DDX3X: variants seen among roughly 807,000 people sequenced by gnomAD.
DDX3X encodes the protein ATP-dependent RNA helicase DDX3X.
Under a neutral mutation model 52.7 loss-of-function variants are expected in DDX3X, and 4 were observed. That is an observed-to-expected ratio of 0.08 (90% CI 0.04 to 0.17). The LOEUF (loss-of-function observed/expected upper bound fraction) is 0.17. DDX3X is among the 10% of genes least tolerant of loss of function. The probability of loss-of-function intolerance (pLI) is 1.00; values close to 1 mark genes in which losing one functional copy is unlikely to be tolerated. For missense variants in DDX3X, 222 were observed against 548.6 expected, an observed-to-expected ratio of 0.40 and a Z score of 5.95; for synonymous variants, 192 against 178.1, an observed-to-expected ratio of 1.08 and a Z score of -0.62.
chrX:41,340,016 C>G (rs1217696413), intron 3 of DDX3X: 1 of 100,815 alleles, frequency 9.9e-6, no homozygotes, highest in African/African-American at 3.7e-5. Flanking sequence ...TCAAGTGATT[C>G]TCCTGCCTCA....
intron 5 of DDX3X, among the ~76,000 whole-genome samples, chrX:41,360,879 T>TG (rs1270636260): frequency 8.3e-5 from 9 of 108,088 alleles, no homozygotes; most frequent in African/African-American, 1.7e-4. Flanking sequence ...CATCTTTGTT[T>TG]GGGGGGGGCA....
At chrX:41,335,626 A>G (rs2063755184) in intron 1 of DDX3X, 1 of 112,024 alleles carries the variant, frequency 8.9e-6, no homozygotes, top group South Asian at 3.7e-4. Context: ...TGATTTCACA[A>G]ACTCCGGAAT....
downstream of DDX3X, among the ~76,000 whole-genome samples, chrX:41,352,573 T>A (rs1422924712): frequency 9.0e-6 from 1 of 111,477 alleles, no homozygotes; most frequent in African/African-American, 3.3e-5. Flanking sequence ...CCTGATTTGG[T>A]GTCTGCTTGA....
chrX:41,352,149 C>T (rs2063991152), downstream of DDX3X, among the ~76,000 whole-genome samples: 1 of 111,436 alleles, frequency 9.0e-6, no homozygotes, highest in African/African-American at 3.3e-5. Flanking sequence ...GATACTATCT[C>T]CTCTAGGTGA....
chrX:41,339,182 G>C, intron 3 of DDX3X, 99 bp downstream of exon 3: 1 of 391,240 alleles, frequency 2.6e-6, no homozygotes, highest in Non-Finnish European at 4.3e-6. Flanking sequence ...GTCTAAACAT[G>C]GTGTTGTTTT....
At chrX:41,358,065 CTTTTTT>C (rs59380932) in intron 5 of DDX3X, 4 of 45,944 alleles carry the variant, frequency 8.7e-5, no homozygotes, top group East Asian at 5.8e-4. Flanking sequence ...GATAGACACT[CTTTTTT>C]TTTTTTTTTT....
chrX:41,364,297 G>A (rs550610984), exon 6 of DDX3X: 13 of 295,695 alleles, frequency 4.4e-5, no homozygotes, highest in African/African-American at 1.6e-4. Context: ...ATGCCCAGAA[G>A]TGTGTGAACT....
intron 5 of DDX3X, among the ~76,000 whole-genome samples, chrX:41,356,662 C>T (rs1395960531): frequency 9.2e-6 from 1 of 108,522 alleles, no homozygotes; most frequent in African/African-American, 3.4e-5. Context: ...GATGGGGTTT[C>T]ACCGTGTTGG....
chrX:41,334,845 C>A, intron 1 of DDX3X: 1 of 745,577 alleles, frequency 1.3e-6, no homozygotes, highest in Non-Finnish European at 1.7e-6. Flanking sequence ...TTGTGTGGTG[C>A]TGGGCGGCGC....
chrX:41,354,366 CAG>C (rs1908564992), downstream of DDX3X, among the ~76,000 whole-genome samples: 1 of 31,102 alleles, frequency 3.2e-5, no homozygotes, highest in South Asian at 2.7e-3. Context: ...TTTTTTGAGA[CAG>C]GGTTGCGCAG....
intron 7 of DDX3X, 187 bp from the exon 8 acceptor site, chrX:41,343,550 T>A (rs2063881510): frequency 1.9e-6 from 1 of 534,529 alleles, no homozygotes; most frequent in Admixed American, 4.5e-5. Flanking sequence ...AATAACAGGC[T>A]TTATTTACAA....
chrX:41,356,226 G>A (rs1370600750), intron 5 of DDX3X, among the ~76,000 whole-genome samples: 4 of 98,377 alleles, frequency 4.1e-5, no homozygotes, highest in South Asian at 5.0e-4. Context: ...TGCAACCTCC[G>A]CCTCCCAGGT....
chrX:41,343,655 A>AT (rs1434792618), intron 7 of DDX3X, 82 bp from the exon 8 acceptor site: 10 of 878,925 alleles, frequency 1.1e-5, no homozygotes, highest in East Asian at 3.2e-5. Context: ...ATTATTAGTA[A>AT]TAGGGTAGTT....
At chrX:41,341,459 T>A (rs1219200262) in intron 3 of DDX3X, 25 bp from the exon 4 acceptor site, 1 of 1,159,344 alleles carries the variant, frequency 8.6e-7, no homozygotes, top group East Asian at 3.0e-5. Flanking sequence ...AATAATAAAA[T>A]GTATTTGTGC....
In DDX3X at chrX:41,334,518, C is replaced by A. The variant is rs1248537627; in HGVS notation, c.45+221C>A. On this transcript the variant is annotated intron_variant, in intron 1 of 16. Coordinates refer to ENST00000644876, the MANE Select transcript of DDX3X (RefSeq NM_001356.5). ...CGCTGTATTGTCCCCGGGACGAGCA[C>A]AATGGCGGCTTTTGTGTGTGCGTGC... 7 of 1,095,252 alleles carry A rather than the reference C, an allele frequency of 6.4e-6. No homozygotes were observed. The East Asian group carries it at 2.0e-4, about 31-fold the overall frequency. 90.3% of individuals were successfully genotyped at this position (1,095,252 alleles called of 1,213,427 possible).
In DDX3X at chrX:41,347,624, T is replaced by C; in HGVS notation, c.1910-16T>C. Reference sequence around the variant, plus strand: ...TAACTTCATTAATTTCTCTCTCTTTTTAAATCTCTCATTAGGTGGCTATGG... The same window carrying C: ...TAACTTCATTAATTTCTCTCTCTTTCTAAATCTCTCATTAGGTGGCTATGG... On this transcript the variant is annotated splice_polypyrimidine_tract_variant and intron_variant, in intron 16 of 16. Coordinates refer to ENST00000644876, the MANE Select transcript of DDX3X (RefSeq NM_001356.5). 8.6e-7 allele frequency: 1 copy of C among 1,169,429 alleles called. No individual in the cohort carries two copies. The highest frequency in any genetic ancestry group is 3.0e-5 in the East Asian group (1 of 33,672).
At position 41,334,846 on chromosome X, in the gene DDX3X, T is replaced by C. The variant is rs1182398118; in HGVS notation, c.45+549T>C. The C allele has an allele frequency of 3.0e-5, 22 of 744,300 alleles. No individual in the cohort carries two copies. The Admixed American group carries it at 3.3e-4, about 11-fold the overall frequency. The allele number at this position is 744,300 out of a possible 1,213,427, so 61.3% of individuals were successfully genotyped here. ...GGCGGCGGCCTCTTTTGTGTGGTGCTGGGCGGCGCTGTGGCTCACCTCCGG... is the reference window on the plus strand; with the variant it reads ...GGCGGCGGCCTCTTTTGTGTGGTGCCGGGCGGCGCTGTGGCTCACCTCCGG... On this transcript the variant is annotated intron_variant, in intron 1 of 16. Coordinates refer to ENST00000644876, the MANE Select transcript of DDX3X (RefSeq NM_001356.5).
In DDX3X at chrX:41,343,308, T is replaced by C. The variant is rs1000898735; in HGVS notation, c.636T>C (p.Pro212=). ...RPTPVQKHAI[P]IIKEKRDLMA... ...CTCCAGTGCAAAAGCATGCTATTCC[T>C]ATTATCAAAGAGAAAAGAGACTTGA... is the stretch of plus-strand genomic sequence containing the variant. The change falls in exon 7 of 17, where the codon CCT becomes CCC. Residue 212 remains proline, a synonymous_variant. Transcript: ENST00000644876. 1.2e-5 allele frequency: 14 copies of C among 1,205,167 alleles called. No homozygotes were observed. Among genetic ancestry groups the C allele is most frequent in the Admixed American group, 9.1e-5 (4 of 44,177 alleles).
At position 41,347,822 on chromosome X, in the gene DDX3X, T is replaced by A; in HGVS notation, c.*103T>A. The A allele has an allele frequency of 1.9e-6, 1 of 540,006 alleles. No individual in the cohort carries two copies. Among genetic ancestry groups the A allele is most frequent in the Non-Finnish European group, 3.0e-6 (1 of 334,014 alleles). The allele number at this position is 540,006 out of a possible 1,213,427, so 44.5% of individuals were successfully genotyped here. A position where few individuals can be genotyped will look rare whatever the true frequency, so the allele number is the denominator to read the frequency against. ...GTAGCTTCAAGAACTCGCAGTACAT[T>A]ACCAGCTGTGATTCTCCACTGAAAT... On this transcript the variant is annotated 3_prime_UTR_variant, in exon 17 of 17. Transcript: ENST00000644876.
Sources: gnomAD v4.1 joint callset for allele counts (sites outside exome capture counted in the v4.1 genomes callset) on GRCh38, gnomAD v4.1.1 for gene constraint, MANE v1.5 for transcripts, NCBI Gene and HGNC (gene_info 2026-07-23, HGNC 2026-07-21) for gene names.